Variants in HEG1 observed in about 807,000 individuals in gnomAD.
HEG1 encodes the protein protein HEG homolog 1.
HEG1 carries 56 observed loss-of-function variants against 125.6 expected under a neutral mutation model. That is an observed-to-expected ratio of 0.45 (90% CI 0.36 to 0.56). HEG1 has a LOEUF of 0.56. Ranked by LOEUF, HEG1 falls within the 20% of genes least tolerant of loss-of-function variation. The probability of loss-of-function intolerance (pLI) is 0.00; values close to 1 mark genes in which losing one functional copy is unlikely to be tolerated. For missense variants in HEG1, 1,523 were observed against 1,670.0 expected, an observed-to-expected ratio of 0.91 and a Z score of 1.53; for synonymous variants, 644 against 668.5, an observed-to-expected ratio of 0.96 and a Z score of 0.57.
intron 4 of HEG1, among the ~76,000 whole-genome samples, chr3:125,019,891 G>C (rs901290814): frequency 4.6e-5 from 7 of 152,176 alleles, no homozygotes; most frequent in African/African-American, 1.7e-4. Context: ...CCCATAAAAA[G>C]TGTTCGAGAG....
In HEG1 at chr3:124,981,566, C is replaced by T. The variant is rs557555360; in HGVS notation, c.3734-3620G>A. Reference sequence around the variant, plus strand: ...CTCCAAGAAATTTGGTTCAGTCATACTGGGCAGGGGCTCAGAACCTCACTT... The same window carrying T: ...CTCCAAGAAATTTGGTTCAGTCATATTGGGCAGGGGCTCAGAACCTCACTT... On this transcript the variant is annotated intron_variant, in intron 14 of 16. Coordinates refer to ENST00000311127, the MANE Select transcript of HEG1 (RefSeq NM_020733.2). 5.1e-4 allele frequency among the ~76,000 whole-genome samples: 78 copies of T among 152,304 alleles called. No homozygotes were observed. The South Asian group carries it at 0.012, about 23-fold the overall frequency.
chr3:125,015,949 A>G (rs1937240433), intron 5 of HEG1, among the ~76,000 whole-genome samples: 1 of 152,216 alleles, frequency 6.6e-6, no homozygotes, highest in South Asian at 2.1e-4. Context: ...TTGAATTGAC[A>G]GAGACAGGAA....
chr3:125,015,411 GTCC>G (rs958451072), intron 5 of HEG1, among the ~76,000 whole-genome samples: 4 of 152,200 alleles, frequency 2.6e-5, no homozygotes, highest in Non-Finnish European at 5.9e-5. Flanking sequence ...GGAGGCCATA[GTCC>G]TCCTTGGAAG....
chr3:125,015,945 T>C (rs950725295), intron 5 of HEG1, among the ~76,000 whole-genome samples: 8 of 152,078 alleles, frequency 5.3e-5, no homozygotes, highest in African/African-American at 1.9e-4. Flanking sequence ...AGGTTTGAAT[T>C]GACAGAGACA....
At chr3:125,035,522 G>A (rs1371200018) in intron 1 of HEG1, among the ~76,000 whole-genome samples, 3 of 152,160 alleles carry the variant, frequency 2.0e-5, no homozygotes, top group Non-Finnish European at 2.9e-5. Flanking sequence ...TCAACGTGCT[G>A]AGAGAGAAAA....
rs543015578 is a variant in HEG1 at position 124,968,223 on chromosome 3, G to T, written c.*2429C>A. The T allele has an allele frequency of 2.6e-5, 4 of 152,350 alleles. No individual in the cohort carries two copies. Among genetic ancestry groups the T allele is most frequent in the Non-Finnish European group, 4.4e-5 (3 of 68,204 alleles). 9.4% of individuals were successfully genotyped at this position (152,350 alleles called of 1,614,324 possible). On this transcript the variant is annotated 3_prime_UTR_variant, in exon 17 of 17. Coordinates refer to ENST00000311127, the MANE Select transcript of HEG1 (RefSeq NM_020733.2). Reference sequence around the variant, plus strand: ...TCAGGTGTTTCCCCTCGGCCTAGGCGGGACCCTTCTGCAGCTAGGAACCCC... The same window carrying T: ...TCAGGTGTTTCCCCTCGGCCTAGGCTGGACCCTTCTGCAGCTAGGAACCCC...
At chr3:125,044,565 C>T (rs984885135) in intron 1 of HEG1, among the ~76,000 whole-genome samples, 2 of 152,122 alleles carry the variant, frequency 1.3e-5, no homozygotes, top group Non-Finnish European at 2.9e-5. Context: ...CCGTTATTAT[C>T]CCTACTTTTC....
chr3:124,985,751 A>C (rs1936727813), intron 14 of HEG1, among the ~76,000 whole-genome samples: 1 of 152,118 alleles, frequency 6.6e-6, no homozygotes, highest in Non-Finnish European at 1.5e-5. Context: ...AAGATTTGAG[A>C]GAAAGGTTTG....
intron 1 of HEG1, among the ~76,000 whole-genome samples, chr3:125,036,209 C>CAAAA (rs10658772): frequency 8.5e-5 from 6 of 70,558 alleles, no homozygotes; most frequent in Admixed American, 2.1e-4. Flanking sequence ...GACCCTGTCT[C>CAAAA]AAAAAAAAAA....
chr3:124,991,475 C>T (rs1288393955), intron 12 of HEG1, among the ~76,000 whole-genome samples: 1 of 152,068 alleles, frequency 6.6e-6, no homozygotes, highest in East Asian at 1.9e-4. Context: ...TATCAAAAAA[C>T]TTTTCTTAAC....
intron 2 of HEG1, among the ~76,000 whole-genome samples, chr3:125,028,487 G>A (rs532138168): frequency 1.3e-5 from 2 of 152,052 alleles, no homozygotes; most frequent in Non-Finnish European, 2.9e-5. Flanking sequence ...CCTCACTCTC[G>A]TTGTCCAGGC....
At chr3:125,038,311 C>T (rs2107711012) in intron 1 of HEG1, among the ~76,000 whole-genome samples, 1 of 152,350 alleles carries the variant, frequency 6.6e-6, no homozygotes, top group African/African-American at 2.4e-5. Flanking sequence ...TTAGGACGCA[C>T]AGCGTGAGAC....
At position 125,019,280 on chromosome 3, in the gene HEG1, G is replaced by A; in HGVS notation, c.1570C>T (p.Pro524Ser). The A allele has an allele frequency of 6.2e-7, 1 of 1,611,056 alleles. No individual in the cohort carries two copies. The highest frequency in any genetic ancestry group is 1.3e-5 in the African/African-American group (1 of 75,006). Residue 524 changes from proline (P) to serine (S), a missense_variant, in exon 5 of 17, where the codon CCA (proline) becomes TCA (serine). Transcript: ENST00000311127. ...SSSESLNSSA[P>S]RGERSIAGIS... ...AACTCACTCGAACGTTCTCCACGTGGTGCTGATGAATTCAAGCTTTCCGAG... is the reference window on the plus strand; with the variant it reads ...AACTCACTCGAACGTTCTCCACGTGATGCTGATGAATTCAAGCTTTCCGAG...
At chr3:125,024,552 G>A (rs1371414875) in intron 3 of HEG1, among the ~76,000 whole-genome samples, 3 of 152,220 alleles carry the variant, frequency 2.0e-5, no homozygotes, top group African/African-American at 7.2e-5. Flanking sequence ...ACATAAAGCA[G>A]CAAAAGATGT....
At chr3:124,989,360 T>G (rs1936793067) in intron 14 of HEG1, among the ~76,000 whole-genome samples, 1 of 152,182 alleles carries the variant, frequency 6.6e-6, no homozygotes, top group Non-Finnish European at 1.5e-5. Flanking sequence ...TTACACACAT[T>G]AAATAAAATC....
intron 2 of HEG1, among the ~76,000 whole-genome samples, chr3:125,028,831 C>A (rs1448696883): frequency 6.6e-6 from 1 of 152,170 alleles, no homozygotes; most frequent in Non-Finnish European, 1.5e-5. Flanking sequence ...CACACCAGGG[C>A]AAGAACAACC....
At position 125,027,930 on chromosome 3, in the gene HEG1, T is replaced by C. The variant is rs144664099; in HGVS notation, c.611-423A>G. On this transcript the variant is annotated intron_variant, in intron 2 of 16. Coordinates refer to ENST00000311127, the MANE Select transcript of HEG1 (RefSeq NM_020733.2). ...GTTTCTAAGCTCTGTAGGAATCATT[T>C]ATGAATACAAAAGACTTTCATATGC... Among the ~76,000 whole-genome samples, 429 of 152,352 alleles carry C rather than the reference T, an allele frequency of 2.8e-3. 1 individual carries two copies. Among genetic ancestry groups the C allele is most frequent in the African/African-American group, 9.9e-3 (412 of 41,582 alleles).
chr3:125,023,087 G>A (rs184812068), intron 3 of HEG1, among the ~76,000 whole-genome samples: 77 of 152,226 alleles, frequency 5.1e-4, no homozygotes, highest in Non-Finnish European at 7.1e-4. Flanking sequence ...TCAGCTACTC[G>A]GGAGGTTGAG....
chr3:124,993,381 G>A (rs541190778), intron 12 of HEG1, among the ~76,000 whole-genome samples: 2 of 152,280 alleles, frequency 1.3e-5, no homozygotes, highest in African/African-American at 4.8e-5. Context: ...TTTAGGGAAG[G>A]AGTAACGAGG....
Sources: gnomAD v4.1 joint callset for allele counts (sites outside exome capture counted in the v4.1 genomes callset) on GRCh38, gnomAD v4.1.1 for gene constraint, MANE v1.5 for transcripts, NCBI Gene and HGNC (gene_info 2026-07-23, HGNC 2026-07-21) for gene names.